ASTN2: variants seen among roughly 807,000 people sequenced by gnomAD.
ASTN2 encodes astrotactin-2.
Under a neutral mutation model 139.8 loss-of-function variants are expected in ASTN2, and 54 were observed. The ratio of observed to expected loss-of-function variants is 0.39; its 90% CI spans 0.31 to 0.48. The LOEUF is 0.48. Among genes scored for constraint, ASTN2 ranks in the 20% least tolerant of loss-of-function variants. The pLI, the probability that ASTN2 is intolerant of heterozygous loss-of-function variation, is 0.95. For synonymous variants in ASTN2, 756 were observed against 719.5 expected (o/e 1.05, Z -0.81); for missense variants, 1,565 against 1,725.1 (o/e 0.91, Z 1.64).
chr9:116,736,066 T>C (rs1309004295), intron 13 of ASTN2, among the ~76,000 whole-genome samples: 2 of 152,194 alleles, frequency 1.3e-5, no homozygotes, highest in Admixed American at 6.5e-5. Flanking sequence ...AAAGAAGTTA[T>C]GTAACTACCT....
intron 1 of ASTN2, among the ~76,000 whole-genome samples, chr9:117,412,237 A>G (rs1831186099): frequency 6.6e-6 from 1 of 152,022 alleles, no homozygotes. Context: ...CTAGGGGGAA[A>G]AGGAGGAGGC....
At chr9:116,701,339 C>CTAAT (rs1284123242) in intron 16 of ASTN2, 1 of 164,254 alleles carries the variant, frequency 6.1e-6, no homozygotes, top group African/African-American at 2.4e-5. Context: ...GCCCCATATT[C>CTAAT]TGATTATGAA....
chr9:117,372,438 G>A lies in ASTN2; in HGVS notation c.442+42059C>T, dbSNP rs1564171724. Among the ~76,000 whole-genome samples, 10 of 152,136 alleles carry A rather than the reference G, an allele frequency of 6.6e-5. No individual in the cohort carries two copies. The South Asian group carries it at 2.1e-3, about 32-fold the overall frequency. On this transcript the variant is annotated intron_variant, in intron 1 of 22. Transcript: ENST00000313400. ...TATGGCCATTTGAGAGGTGAGGGAT[G>A]TTTCCATAATCACAAGCTAGAATCC...
At position 117,414,742 on chromosome 9, in the gene ASTN2, T is replaced by C; in HGVS notation, c.197A>G (p.Lys66Arg). The C allele has an allele frequency of 7.9e-7, 1 of 1,273,252 alleles. No individual in the cohort carries two copies. The highest frequency in any genetic ancestry group is 9.9e-7 in the Non-Finnish European group (1 of 1,008,862). The allele number at this position is 1,273,252 out of a possible 1,614,324, so 78.9% of individuals were successfully genotyped here. ...GGGCAGTGTGGACACCGTGACGGTCTTCAGCCGGCACGGGCTGTCGGGCTC... is the reference window on the plus strand; with the variant it reads ...GGGCAGTGTGGACACCGTGACGGTCCTCAGCCGGCACGGGCTGTCGGGCTC... ...SREPDSPCRLKTVTVSTLPAL... is the reference protein window; with the variant it reads ...SREPDSPCRLRTVTVSTLPAL... Residue 66 changes from lysine to arginine, a missense_variant, in exon 1 of 23, where the codon AAG becomes AGG. Transcript: ENST00000313400. The surrounding 1 kb of genome is among the most constrained non-coding windows in gnomAD (Gnocchi z 4.2).
intron 19 of ASTN2, among the ~76,000 whole-genome samples, chr9:116,510,235 T>G (rs962783696): frequency 6.6e-6 from 1 of 152,202 alleles, no homozygotes; most frequent in African/African-American, 2.4e-5. Flanking sequence ...GGCTAGCCAG[T>G]TTTCCCAGCA....
intron 7 of ASTN2, among the ~76,000 whole-genome samples, chr9:116,993,077 C>T (rs182896809): frequency 1.9e-4 from 29 of 152,272 alleles, no homozygotes; most frequent in Non-Finnish European, 3.7e-4. Context: ...AGTTAGATGA[C>T]GTCACCCCTC....
chr9:117,064,485 T>G (rs1184362667), intron 5 of ASTN2, among the ~76,000 whole-genome samples: 2 of 152,308 alleles, frequency 1.3e-5, no homozygotes, highest in East Asian at 3.9e-4. Flanking sequence ...CTTCTCAACA[T>G]AGAATGCCTT....
At chr9:116,478,650 C>A (rs1849069696) in intron 20 of ASTN2, among the ~76,000 whole-genome samples, 1 of 152,186 alleles carries the variant, frequency 6.6e-6, no homozygotes, top group South Asian at 2.1e-4. Context: ...CCTTGCCTCC[C>A]CAGTTGCCAG....
At chr9:117,290,935 T>C (rs1173189771) in intron 2 of ASTN2, among the ~76,000 whole-genome samples, 8 of 152,226 alleles carry the variant, frequency 5.3e-5, no homozygotes, top group Non-Finnish European at 1.0e-4. Flanking sequence ...CAGCCTGTTC[T>C]GGTTTTATTC....
At chr9:117,360,116 G>A (rs1829653070) in intron 1 of ASTN2, among the ~76,000 whole-genome samples, 1 of 152,076 alleles carries the variant, frequency 6.6e-6, no homozygotes, top group African/African-American at 2.4e-5. Context: ...AGAGATTCTT[G>A]GATTACACTC....
At chr9:116,849,603 G>A (rs367836282) in intron 11 of ASTN2, among the ~76,000 whole-genome samples, 17 of 152,310 alleles carry the variant, frequency 1.1e-4, no homozygotes, top group African/African-American at 3.4e-4. Flanking sequence ...GGAAGGGATC[G>A]AGACAGGATT....
chr9:116,752,628 G>A (rs1261958532), intron 13 of ASTN2, among the ~76,000 whole-genome samples: 1 of 152,112 alleles, frequency 6.6e-6, no homozygotes, highest in Non-Finnish European at 1.5e-5. Flanking sequence ...ACATACATCT[G>A]CTAAAGGATA....
At chr9:116,989,344 A>T (rs1407454288) in intron 7 of ASTN2, among the ~76,000 whole-genome samples, 1 of 151,988 alleles carries the variant, frequency 6.6e-6, no homozygotes, top group African/African-American at 2.4e-5. Flanking sequence ...TCTAGTTAGG[A>T]ATTTGAGAAA....
At chr9:116,487,995 A>G (rs1404099195) in intron 19 of ASTN2, among the ~76,000 whole-genome samples, 1 of 152,118 alleles carries the variant, frequency 6.6e-6, no homozygotes, top group East Asian at 1.9e-4. Context: ...GGATTCATGG[A>G]GTGTTATAGT....
intron 3 of ASTN2, among the ~76,000 whole-genome samples, chr9:117,187,175 A>G (rs2132958760): frequency 6.6e-6 from 1 of 152,260 alleles, no homozygotes; most frequent in East Asian, 1.9e-4. Flanking sequence ...TGGAGAACAC[A>G]GTGTGGTGCA....
At chr9:117,070,773 C>A (rs925404616) in intron 5 of ASTN2, among the ~76,000 whole-genome samples, 20 of 151,826 alleles carry the variant, frequency 1.3e-4, no homozygotes, top group Non-Finnish European at 2.1e-4. Flanking sequence ...TCTTCCATTG[C>A]TGACACCCTT....
At chr9:117,051,954 C>G (rs534582682) in intron 5 of ASTN2, among the ~76,000 whole-genome samples, 34 of 152,084 alleles carry the variant, frequency 2.2e-4, no homozygotes, top group Middle Eastern at 3.2e-3. Flanking sequence ...TAAACCATAC[C>G]CAAACATTCC....
intron 4 of ASTN2, among the ~76,000 whole-genome samples, chr9:117,121,189 T>C (rs748619238): frequency 9.8e-4 from 149 of 152,228 alleles, no homozygotes; most frequent in Non-Finnish European, 1.8e-3. Context: ...CTGAAGAACA[T>C]GGACCATCTA....
At chr9:116,523,815 G>A (rs978616656) in intron 19 of ASTN2, among the ~76,000 whole-genome samples, 8 of 152,096 alleles carry the variant, frequency 5.3e-5, no homozygotes, top group African/African-American at 1.7e-4. Flanking sequence ...CAGTTCATGG[G>A]CCTTACTTCA....
Sources: allele counts gnomAD v4.1 joint callset (sites outside exome capture counted in the v4.1 genomes callset), GRCh38; gene constraint gnomAD v4.1.1; non-coding constraint Gnocchi (gnomAD v3.1); transcripts MANE v1.5; gene names NCBI Gene and HGNC (gene_info 2026-07-23, HGNC 2026-07-21).